The following PLD1 variants were observed in gnomAD, a reference collection of about 807,000 sequenced individuals.
The protein encoded by PLD1 is choline phosphatase 1.
PLD1 carries 112 observed loss-of-function variants against 137.1 expected under a neutral mutation model. The ratio of observed to expected loss-of-function variants is 0.82; its 90% CI spans 0.70 to 0.96. PLD1 has a LOEUF of 0.96. PLD1 is among the 40% of genes least tolerant of loss of function. The probability of loss-of-function intolerance (pLI) is 0.00; values close to 1 mark genes in which losing one functional copy is unlikely to be tolerated. For missense variants in PLD1, 1,321 were observed against 1,342.0 expected (o/e 0.98, Z 0.24); for synonymous variants, 431 against 454.7 (o/e 0.95, Z 0.66).
At chr3:171,613,087 C>T (rs57715597) in intron 24 of PLD1, among the ~76,000 whole-genome samples, 11,846 of 152,156 alleles carry the variant, frequency 0.078, 1,300 homozygotes, top group African/African-American at 0.25. Context: ...GGAGGATCGC[C>T]TGAGCCTAGG....
At chr3:171,615,042 A>C (rs1463861141) in intron 24 of PLD1, among the ~76,000 whole-genome samples, 7 of 152,250 alleles carry the variant, frequency 4.6e-5, no homozygotes, top group Non-Finnish European at 2.9e-5. Flanking sequence ...GCATGTGAGG[A>C]AAGAAATGAG....
intron 19 of PLD1, among the ~76,000 whole-genome samples, chr3:171,665,672 C>T (rs1437064703): frequency 6.6e-6 from 1 of 151,774 alleles, no homozygotes; most frequent in Non-Finnish European, 1.5e-5. Flanking sequence ...TGCACTCCAG[C>T]CTGGGCACCA....
Position 171,603,086 on chromosome 3 carries a change from A to G in PLD1, c.3217T>C (p.Trp1073Arg), listed in dbSNP as rs1290937366. Reference sequence around the variant, plus strand: ...CTGCCAATGAATATCTCTTAAGTCCAAACCTCCATGGGCACTATGGCCTCT... The same window carrying G: ...CTGCCAATGAATATCTCTTAAGTCCGAACCTCCATGGGCACTATGGCCTCT... ...TKEAIVPMEV[W>R]T Residue 1073 changes from tryptophan (W) to arginine (R), a missense_variant, in exon 27 of 27, where the codon TGG becomes CGG. Coordinates refer to ENST00000351298, the MANE Select transcript of PLD1 (RefSeq NM_002662.5). The G allele has an allele frequency of 6.2e-7, 1 of 1,612,616 alleles. No homozygotes were observed. The highest frequency in any genetic ancestry group is 1.7e-5 in the Admixed American group (1 of 60,002).
intron 25 of PLD1, among the ~76,000 whole-genome samples, chr3:171,610,933 T>A (rs1732598798): frequency 6.6e-6 from 1 of 152,200 alleles, no homozygotes; most frequent in Admixed American, 6.5e-5. Context: ...TCTCTACAAC[T>A]GAGGCTTATG....
At chr3:171,635,217 T>C (rs139369946) in intron 23 of PLD1, among the ~76,000 whole-genome samples, 3,781 of 152,300 alleles carry the variant, frequency 0.025, 81 homozygotes, top group Non-Finnish European at 0.037. Context: ...TTCTGAATAA[T>C]GCTGCTATAA....
At chr3:171,618,257 TTGAG>T (rs748322249) in intron 24 of PLD1, among the ~76,000 whole-genome samples, 1 of 152,216 alleles carries the variant, frequency 6.6e-6, no homozygotes, top group Non-Finnish European at 1.5e-5. Flanking sequence ...ATTGGAGTCT[TTGAG>T]TGTTTAGAGA....
intron 1 of PLD1, among the ~76,000 whole-genome samples, chr3:171,807,465 C>A (rs578165256): frequency 6.6e-6 from 1 of 152,104 alleles, no homozygotes; most frequent in African/African-American, 2.4e-5. Context: ...GGTAGCACAA[C>A]GATGTGAATG....
intron 21 of PLD1, among the ~76,000 whole-genome samples, chr3:171,654,870 G>A (rs1387520746): frequency 6.6e-6 from 1 of 152,054 alleles, no homozygotes; most frequent in African/African-American, 2.4e-5. Context: ...TGAGGCTCTA[G>A]GTCATGTCAG....
At chr3:171,773,841 T>C (rs893287844) in intron 1 of PLD1, among the ~76,000 whole-genome samples, 11 of 152,056 alleles carry the variant, frequency 7.2e-5, no homozygotes, top group South Asian at 2.1e-4. Flanking sequence ...CTCCGCCTCC[T>C]GGGTTCACGC....
At chr3:171,753,806 A>G (rs1241212475) in intron 1 of PLD1, among the ~76,000 whole-genome samples, 2 of 152,110 alleles carry the variant, frequency 1.3e-5, no homozygotes, top group East Asian at 1.9e-4. Flanking sequence ...AAGTATCTCA[A>G]TTACACATAT....
chr3:171,631,403 T>C (rs1734646810), intron 23 of PLD1, among the ~76,000 whole-genome samples: 1 of 152,136 alleles, frequency 6.6e-6, no homozygotes, highest in African/African-American at 2.4e-5. Flanking sequence ...AATCCTATGC[T>C]GTGGGATTGG....
At chr3:171,695,661 G>C (rs146892966) in intron 12 of PLD1, among the ~76,000 whole-genome samples, 27 of 152,206 alleles carry the variant, frequency 1.8e-4, no homozygotes, top group Middle Eastern at 3.4e-3. Context: ...CTTTTCCTCC[G>C]ATTGCTCAAG....
At chr3:171,732,219 T>C (rs1449575795) in intron 6 of PLD1, among the ~76,000 whole-genome samples, 2 of 152,212 alleles carry the variant, frequency 1.3e-5, no homozygotes, top group African/African-American at 2.4e-5. Flanking sequence ...TCCTTATTCA[T>C]TGTTATTTCA....
intron 1 of PLD1, among the ~76,000 whole-genome samples, chr3:171,773,152 C>G (rs1722454871): frequency 6.6e-6 from 1 of 152,172 alleles, no homozygotes; most frequent in African/African-American, 2.4e-5. Context: ...ATTAATTCTT[C>G]TAAAATGAAT....
intron 16 of PLD1, 133 bp downstream of exon 16, chr3:171,686,552 T>C (rs1469006054): frequency 3.2e-5 from 20 of 633,188 alleles, no homozygotes; most frequent in Non-Finnish European, 5.2e-5. Flanking sequence ...CAGAGCAGGC[T>C]CTCAATAATA....
chr3:171,604,349 A>C (rs1732043033), intron 26 of PLD1, among the ~76,000 whole-genome samples: 1 of 151,842 alleles, frequency 6.6e-6, no homozygotes, highest in Non-Finnish European at 1.5e-5. Flanking sequence ...GAAAGAAAAG[A>C]AACAAGGTTA....
intron 1 of PLD1, among the ~76,000 whole-genome samples, chr3:171,785,373 T>C (rs1722970879): frequency 6.6e-6 from 1 of 152,034 alleles, no homozygotes; most frequent in Non-Finnish European, 1.5e-5. Flanking sequence ...CATGTCAAAA[T>C]GTGATCCACA....
chr3:171,750,035 C>T (rs1021321279), intron 1 of PLD1, among the ~76,000 whole-genome samples: 16 of 152,182 alleles, frequency 1.1e-4, no homozygotes, highest in Non-Finnish European at 2.4e-4. Context: ...GTCTCTACAA[C>T]ATGTCAGTCA....
At position 171,719,357 on chromosome 3, in the gene PLD1, C is replaced by T. The variant is rs570515397; in HGVS notation, c.759-5312G>A. Among the ~76,000 whole-genome samples the T allele has an allele frequency of 2.7e-4, 41 of 152,288 alleles. No homozygotes were observed. In the South Asian group the frequency reaches 8.1e-3, roughly 30 times the overall value. ...TTATTGTCTGTCTCCTACAGTACAG[C>T]GTAAGGTCCCTGGGAACAGGAAATG... is the stretch of plus-strand genomic sequence containing the variant. On this transcript the variant is annotated intron_variant, in intron 8 of 26. Transcript: ENST00000351298.
Sources: gnomAD v4.1 joint callset for allele counts (sites outside exome capture counted in the v4.1 genomes callset) on GRCh38, gnomAD v4.1.1 for gene constraint, MANE v1.5 for transcripts, NCBI Gene and HGNC (gene_info 2026-07-23, HGNC 2026-07-21) for gene names.